The following ZNF385B variants were observed in gnomAD, a reference collection of about 807,000 sequenced individuals.
ZNF385B encodes zinc finger protein 533.
ZNF385B carries 23 observed loss-of-function variants against 39.2 expected under a neutral mutation model. That is an observed-to-expected ratio of 0.59 (90% CI 0.42 to 0.83). ZNF385B has a LOEUF of 0.83. ZNF385B is among the 40% of genes least tolerant of loss of function. The pLI, the probability that ZNF385B is intolerant of heterozygous loss-of-function variation, is 0.00. For missense variants in ZNF385B, 552 were observed against 598.9 expected, an observed-to-expected ratio of 0.92 and a Z score of 0.82; for synonymous variants, 205 against 222.6, an observed-to-expected ratio of 0.92 and a Z score of 0.70.
chr2:179,494,484 A>T (rs1240165865), intron 5 of ZNF385B, among the ~76,000 whole-genome samples: 1 of 152,032 alleles, frequency 6.6e-6, no homozygotes, highest in Admixed American at 6.6e-5. Flanking sequence ...CAAAAACATA[A>T]TTTTCTTAAC....
Position 179,446,570 on chromosome 2 carries a change from T to C in ZNF385B, c.916A>G (p.Lys306Glu). Residue 306 changes from lysine (K) to glutamate (E), a missense_variant, in exon 7 of 10, where the codon AAA becomes GAA. Coordinates refer to ENST00000410066, the MANE Select transcript of ZNF385B (RefSeq NM_152520.6). Reference sequence around the variant, plus strand: ...TGTGACAGGGAGTTCACAGCCACTTTGCATAGTGAACAATAAAGTAATTTT... The same window carrying C: ...TGTGACAGGGAGTTCACAGCCACTTCGCATAGTGAACAATAAAGTAATTTT... Reference protein sequence around the residue: ...AKKLLYCSLCKVAVNSLSQLE... With the variant: ...AKKLLYCSLCEVAVNSLSQLE... 1 of 1,614,086 alleles carries C rather than the reference T, an allele frequency of 6.2e-7. No individual in the cohort carries two copies. Among genetic ancestry groups the C allele is most frequent in the East Asian group, 2.2e-5 (1 of 44,862 alleles).
chr2:179,828,995 C>T (rs1016784934), intron 1 of ZNF385B, among the ~76,000 whole-genome samples: 1 of 151,656 alleles, frequency 6.6e-6, no homozygotes, highest in African/African-American at 2.4e-5. Flanking sequence ...TAACAATCTT[C>T]CAAACCAGTA....
Position 179,632,017 on chromosome 2 carries a change from A to G in ZNF385B, c.299-87048T>C, listed in dbSNP as rs532948960. Among the ~76,000 whole-genome samples, 4 of 152,334 alleles carry G rather than the reference A, an allele frequency of 2.6e-5. No homozygotes were observed. The South Asian group carries it at 8.3e-4, about 32-fold the overall frequency. On this transcript the variant is annotated intron_variant, in intron 3 of 9. Coordinates refer to ENST00000410066, the MANE Select transcript of ZNF385B (RefSeq NM_152520.6). Reference sequence around the variant, plus strand: ...AACTATCCTAAATATATATGCACCCATTTCAAGAGCACCCAGAGACCCAGG... The same window carrying G: ...AACTATCCTAAATATATATGCACCCGTTTCAAGAGCACCCAGAGACCCAGG...
rs1704988887 is a variant in ZNF385B, at chr2:179,786,177, T to G, written c.-154-15505A>C. 2.0e-5 allele frequency among the ~76,000 whole-genome samples: 3 copies of G among 152,152 alleles called. 1 individual carries two copies. The highest frequency in any genetic ancestry group is 1.3e-4 in the Admixed American group (2 of 15,254). On this transcript the variant is annotated intron_variant, in intron 1 of 9. Coordinates refer to ENST00000410066, the MANE Select transcript of ZNF385B (RefSeq NM_152520.6). ...AATTAAGGTATGTACATTTTTTAGA[T>G]GTGATTAGATTATAGCATAAGCATA...
intron 3 of ZNF385B, among the ~76,000 whole-genome samples, chr2:179,591,589 C>T (rs1386652643): frequency 2.0e-5 from 3 of 152,156 alleles, no homozygotes; most frequent in East Asian, 3.8e-4. Flanking sequence ...AATTTAAAAG[C>T]ACCTCAAAAC....
At chr2:179,758,191 A>G (rs1464925532) in intron 3 of ZNF385B, among the ~76,000 whole-genome samples, 2 of 152,188 alleles carry the variant, frequency 1.3e-5, no homozygotes, top group African/African-American at 4.8e-5. Context: ...TTGAGCTGGC[A>G]TTGTGTCTTA....
intron 3 of ZNF385B, among the ~76,000 whole-genome samples, chr2:179,737,345 G>A (rs1001451779): frequency 2.7e-4 from 41 of 152,220 alleles, no homozygotes; most frequent in African/African-American, 9.6e-4. Flanking sequence ...GTTGGAAATG[G>A]GTAAAGAGTT....
intron 1 of ZNF385B, among the ~76,000 whole-genome samples, chr2:179,790,142 T>A (rs936295316): frequency 6.6e-6 from 1 of 152,176 alleles, no homozygotes; most frequent in Admixed American, 6.6e-5. Context: ...CCCTGAGGTG[T>A]TGCTAACTAT....
intron 1 of ZNF385B, among the ~76,000 whole-genome samples, chr2:179,858,712 C>T (rs1007369611): frequency 2.0e-5 from 3 of 152,010 alleles, no homozygotes; most frequent in South Asian, 2.1e-4. Context: ...ACATAAAAAG[C>T]GGTGGGAAAC....
intron 3 of ZNF385B, among the ~76,000 whole-genome samples, chr2:179,685,808 A>G (rs1342473318): frequency 6.6e-6 from 1 of 152,230 alleles, no homozygotes; most frequent in Non-Finnish European, 1.5e-5. Flanking sequence ...TGAAGAGCAA[A>G]CCATATTTAG....
intron 6 of ZNF385B, among the ~76,000 whole-genome samples, chr2:179,462,901 A>ATG (rs138439489): frequency 4.4e-4 from 67 of 151,258 alleles, no homozygotes; most frequent in South Asian, 1.5e-3. Flanking sequence ...TATTTAAAAG[A>ATG]TGTGTGTGTG....
intron 3 of ZNF385B, among the ~76,000 whole-genome samples, chr2:179,645,740 G>A (rs1022204109): frequency 3.3e-5 from 5 of 152,126 alleles, no homozygotes; most frequent in African/African-American, 9.7e-5. Flanking sequence ...AGCCTGATGC[G>A]TGCTCTCCTT....
chr2:179,490,856 A>G (rs1574413381), intron 5 of ZNF385B, among the ~76,000 whole-genome samples: 1 of 152,338 alleles, frequency 6.6e-6, no homozygotes, highest in African/African-American at 2.4e-5. Context: ...CAATTATTTA[A>G]GCTTGGCTGT....
At position 179,576,671 on chromosome 2, in the gene ZNF385B, T is replaced by C. The variant is rs117067855; in HGVS notation, c.299-31702A>G. ...CAGTTCTGGACAAATATTTAATGAC[T>C]AACAAATTTGAACATGATTCATAAA... is the stretch of plus-strand genomic sequence containing the variant. On this transcript the variant is annotated intron_variant, in intron 3 of 9. Transcript: ENST00000410066. Among the ~76,000 whole-genome samples the C allele has an allele frequency of 1.8e-4, 28 of 152,276 alleles. No individual in the cohort carries two copies. The East Asian group carries it at 5.4e-3, about 29-fold the overall frequency.
At chr2:179,690,157 A>G (rs938796335) in intron 3 of ZNF385B, among the ~76,000 whole-genome samples, 1 of 152,158 alleles carries the variant, frequency 6.6e-6, no homozygotes, top group African/African-American at 2.4e-5. Flanking sequence ...GTAAGATGAT[A>G]ACGGCACAAT....
intron 1 of ZNF385B, among the ~76,000 whole-genome samples, chr2:179,802,885 T>C (rs549925988): frequency 6.6e-6 from 1 of 152,252 alleles, no homozygotes; most frequent in Admixed American, 6.5e-5. Flanking sequence ...ATAAAACTAC[T>C]GGTAAAATGG....
Position 179,734,840 on chromosome 2 carries a change from G to C in ZNF385B, c.298+34663C>G, listed in dbSNP as rs572573914. On this transcript the variant is annotated intron_variant, in intron 3 of 9. Transcript: ENST00000410066. ...GTTCCTTAGCCATATGTAGAAAGCT[G>C]AAACTGGATCCCTTCCTTACACCTT... Among the ~76,000 whole-genome samples, 4 of 152,246 alleles carry C rather than the reference G, an allele frequency of 2.6e-5. No homozygotes were observed. The East Asian group carries it at 7.7e-4, about 29-fold the overall frequency.
chr2:179,451,566 A>T (rs1396735969), intron 6 of ZNF385B, among the ~76,000 whole-genome samples: 1 of 151,976 alleles, frequency 6.6e-6, no homozygotes, highest in Admixed American at 6.6e-5. Flanking sequence ...TATGTTTTAA[A>T]TTTTTTTTCT....
intron 6 of ZNF385B, among the ~76,000 whole-genome samples, chr2:179,457,005 TAG>T (rs777156474): frequency 6.2e-4 from 95 of 152,150 alleles, no homozygotes; most frequent in Non-Finnish European, 1.1e-3. Context: ...CCTGATGATA[TAG>T]AGTGTTTTCA....
Sources: gnomAD v4.1 joint callset for allele counts (sites outside exome capture counted in the v4.1 genomes callset) on GRCh38, gnomAD v4.1.1 for gene constraint, MANE v1.5 for transcripts, NCBI Gene and HGNC (gene_info 2026-07-23, HGNC 2026-07-21) for gene names.